Variants in TAF4 observed in about 807,000 individuals in gnomAD.
The protein encoded by TAF4 is TATA-box binding protein associated factor 4, also known as transcription initiation factor TFIID subunit 4.
In TAF4, 9 loss-of-function variants were observed where a neutral mutation model predicts 90.3. The observed-to-expected ratio is 0.10, with a 90% confidence interval of 0.06 to 0.17. The LOEUF is 0.17. Ranked by LOEUF, TAF4 falls within the 10% of genes least tolerant of loss-of-function variation. The pLI is 1.00. For missense variants in TAF4, 1,351 were observed against 1,370.7 expected (o/e 0.99, Z 0.23); for synonymous variants, 818 against 638.9 (o/e 1.28, Z -4.23).
intron 14 of TAF4, among the ~76,000 whole-genome samples, chr20:61,977,948 G>C (rs2055506477): frequency 6.6e-6 from 1 of 152,246 alleles, no homozygotes; most frequent in Non-Finnish European, 1.5e-5. Flanking sequence ...GTGAAGGAGA[G>C]ACGCTCATCT....
At chr20:61,982,504 TGAGAAGAAACACCAAACCCACATCCACCC>T (rs2055555169) in intron 14 of TAF4, among the ~76,000 whole-genome samples, 1 of 60,096 alleles carries the variant, frequency 1.7e-5, no homozygotes, top group Non-Finnish European at 3.1e-5. Context: ...CACACCCACC[TGAGAAGAAACACCAAACCCACATCCACCC>T]GAGAGGAGAC....
chr20:62,043,492 A>T (rs919137879), intron 1 of TAF4, among the ~76,000 whole-genome samples: 1 of 152,196 alleles, frequency 6.6e-6, no homozygotes, highest in African/African-American at 2.4e-5. Context: ...GTCCCTAAGC[A>T]TACCCTAAGC....
At chr20:62,009,310 A>C (rs897919791) in intron 4 of TAF4, 136 bp from the exon 5 acceptor site, 1 of 910,470 alleles carries the variant, frequency 1.1e-6, no homozygotes, top group Non-Finnish European at 1.6e-6. Flanking sequence ...AAAACGCACC[A>C]CCTCTTGGAA....
At position 62,003,768 on chromosome 20, in the gene TAF4, G is replaced by T. The variant is rs758146560; in HGVS notation, c.2334C>A (p.Thr778=). ...GGTTCAGCTGGATCTGCTGAGGCGTGGTGAGCATGATCCGGTTGTGAGGCT... is the reference window on the plus strand; with the variant it reads ...GGTTCAGCTGGATCTGCTGAGGCGTTGTGAGCATGATCCGGTTGTGAGGCT... ...LRQPHNRIML[T]TPQQIQLNPL... is the part of the protein sequence containing the mutation. Residue 778 remains threonine, a synonymous_variant, in exon 8 of 15, where the codon ACC becomes ACA. Transcript: ENST00000252996. The T allele has an allele frequency of 5.0e-6, 8 of 1,607,626 alleles. No individual in the cohort carries two copies. The highest frequency in any genetic ancestry group is 5.9e-6 in the Non-Finnish European group (7 of 1,179,252).
intron 1 of TAF4, among the ~76,000 whole-genome samples, chr20:62,039,335 T>C (rs1251964618): frequency 1.3e-5 from 2 of 152,150 alleles, no homozygotes; most frequent in African/African-American, 4.8e-5. Context: ...AGCAGCATCG[T>C]TCAATAGAGA....
At chr20:62,003,007 G>A (rs532299547) in intron 9 of TAF4, among the ~76,000 whole-genome samples, 153 bp downstream of exon 9, 2 of 152,330 alleles carry the variant, frequency 1.3e-5, no homozygotes, top group East Asian at 1.9e-4. Flanking sequence ...TTGTGTGAAC[G>A]TGAGGTCAAA....
At chr20:62,059,516 T>A (rs567306354) in intron 1 of TAF4, among the ~76,000 whole-genome samples, 2 of 152,180 alleles carry the variant, frequency 1.3e-5, no homozygotes, top group Non-Finnish European at 2.9e-5. Flanking sequence ...GACACCACAA[T>A]GCCATAGCAA....
intron 8 of TAF4, 73 bp from the exon 9 acceptor site, chr20:62,003,347 G>T: frequency 8.1e-7 from 1 of 1,231,636 alleles, no homozygotes; most frequent in Non-Finnish European, 1.2e-6. Context: ...GTGCTTTACA[G>T]GCTCAAGGGC....
At chr20:62,038,766 G>A (rs539503253) in intron 1 of TAF4, among the ~76,000 whole-genome samples, 39 of 152,172 alleles carry the variant, frequency 2.6e-4, no homozygotes, top group African/African-American at 8.7e-4. Flanking sequence ...AGATATCAAG[G>A]TATTGGCCAG....
chr20:62,007,884 G>A (rs139190675), intron 5 of TAF4: 118 of 398,614 alleles, frequency 3.0e-4, no homozygotes, highest in African/African-American at 1.9e-3. Context: ...TCTACTTCTC[G>A]TCTTTTTCTA....
chr20:62,016,434 C>T (rs577913004), intron 1 of TAF4, among the ~76,000 whole-genome samples: 15 of 152,354 alleles, frequency 9.8e-5, no homozygotes, highest in Non-Finnish European at 1.6e-4. Flanking sequence ...GGCAGAGGAA[C>T]GTGGAAGGAC....
rs570772749 is a variant in TAF4 at position 61,995,281 on chromosome 20, T to C, written c.3090+2269A>G. Among the ~76,000 whole-genome samples the C allele has an allele frequency of 3.7e-4, 56 of 152,316 alleles. 1 individual carries two copies. Among genetic ancestry groups the C allele is most frequent in the African/African-American group, 1.3e-3 (55 of 41,562 alleles). Reference sequence around the variant, plus strand: ...TGACAAAAACCTTATAAAACAGCTTTAATAATAAGCTCAAAGAATTAGGGG... The same window carrying C: ...TGACAAAAACCTTATAAAACAGCTTCAATAATAAGCTCAAAGAATTAGGGG... On this transcript the variant is annotated intron_variant, in intron 14 of 14. Coordinates refer to ENST00000252996, the MANE Select transcript of TAF4 (RefSeq NM_003185.4).
At chr20:62,011,190 T>A (rs181103537) in intron 3 of TAF4, among the ~76,000 whole-genome samples, 1 of 151,914 alleles carries the variant, frequency 6.6e-6, no homozygotes, top group African/African-American at 2.4e-5. Flanking sequence ...CTTGTAACAA[T>A]AAGCATGGAT....
Position 62,065,316 on chromosome 20 carries a change from C to T in TAF4, c.495G>A (p.Ala165=). ...AGPAKPAGPA[A]LAARAGPGPG... is the part of the protein sequence containing the mutation. ...GGCCGGGGCCGGCGCGGGCGGCCAG[C>T]GCGGCGGGGCCGGCGGGCTTGGCGG... is the stretch of plus-strand genomic sequence containing the variant. The change falls in exon 1 of 15, where the codon GCG becomes GCA. Residue 165 remains alanine, a synonymous_variant. Coordinates refer to ENST00000252996, the MANE Select transcript of TAF4 (RefSeq NM_003185.4). 1.1e-6 allele frequency: 1 copy of T among 918,018 alleles called. No individual in the cohort carries two copies. Among genetic ancestry groups the T allele is most frequent in the Non-Finnish European group, 1.3e-6 (1 of 783,768 alleles). 56.9% of individuals were successfully genotyped at this position (918,018 alleles called of 1,614,324 possible). A position where few individuals can be genotyped will look rare whatever the true frequency, so the allele number is the denominator to read the frequency against.
intron 1 of TAF4, among the ~76,000 whole-genome samples, chr20:62,017,171 G>A (rs1210097979): frequency 1.3e-5 from 2 of 151,910 alleles, no homozygotes; most frequent in African/African-American, 4.8e-5. Context: ...TGTTTTTAAG[G>A]AATTCTGAGA....
In TAF4 at chr20:62,064,950, G is replaced by C; in HGVS notation, c.861C>G (p.Pro287=). 1 of 504,314 alleles carries C rather than the reference G, an allele frequency of 2.0e-6. No individual in the cohort carries two copies. Among genetic ancestry groups the C allele is most frequent in the Non-Finnish European group, 2.5e-6 (1 of 398,272 alleles). The allele number at this position is 504,314 out of a possible 1,614,324, so 31.2% of individuals were successfully genotyped here. ...PATLARPPGH[P]AGPPTAAPAV... ...CGGGCGCGGCGGTCGGGGGTCCGGC[G>C]GGGTGGCCGGGCGGCCGGGCCAGAG... Residue 287 remains proline, a synonymous_variant, in exon 1 of 15, where the codon CCC becomes CCG. Coordinates refer to ENST00000252996, the MANE Select transcript of TAF4 (RefSeq NM_003185.4).
chr20:62,003,718 G>T lies in TAF4; in HGVS notation c.2371+13C>A, dbSNP rs372333817. ...CTTGGTGTTGAGCGGCCAGGGGCCCGCGAGGCCCTCACCTGGCTGCAGTGG... is the reference window on the plus strand; with the variant it reads ...CTTGGTGTTGAGCGGCCAGGGGCCCTCGAGGCCCTCACCTGGCTGCAGTGG... On this transcript the variant is annotated intron_variant, in intron 8 of 14. Coordinates refer to ENST00000252996, the MANE Select transcript of TAF4 (RefSeq NM_003185.4). 7 of 1,572,640 alleles carry T rather than the reference G, an allele frequency of 4.5e-6. No homozygotes were observed. The East Asian group carries it at 7.0e-5, about 16-fold the overall frequency.
intron 3 of TAF4, 77 bp downstream of exon 3, chr20:62,012,738 A>C (rs2055786527): frequency 7.0e-7 from 1 of 1,425,906 alleles, no homozygotes; most frequent in South Asian, 1.6e-5. Context: ...AAAACTCCTA[A>C]GGCCTGATCT....
At chr20:62,008,469 G>A (rs942058458) in intron 5 of TAF4, among the ~76,000 whole-genome samples, 6 of 151,472 alleles carry the variant, frequency 4.0e-5, no homozygotes, top group Admixed American at 1.3e-4. Flanking sequence ...AAGGAGAGGG[G>A]AGGCTGCCAG....
Sources: allele counts gnomAD v4.1 joint callset (sites outside exome capture counted in the v4.1 genomes callset), GRCh38; gene constraint gnomAD v4.1.1; transcripts MANE v1.5; gene names NCBI Gene and HGNC (gene_info 2026-07-23, HGNC 2026-07-21).